NBPF10: variants seen among roughly 807,000 people sequenced by gnomAD.
NBPF10 encodes NBPF family member NBPF10.
NBPF10 carries 63 observed loss-of-function variants against 77.9 expected under a neutral mutation model. That is an observed-to-expected ratio of 0.81 (90% confidence interval 0.66 to 1.00). NBPF10 has a LOEUF of 1.00. Among genes scored for constraint, NBPF10 ranks in the 50% least tolerant of loss-of-function variants. NBPF10 has a pLI of 0.00. For missense variants in NBPF10, 522 were observed against 679.8 expected (o/e 0.77, Z 2.58); for synonymous variants, 146 against 264.5 (o/e 0.55, Z 4.35).
exon 3 of NBPF10, chr1:146,141,751 C>T: frequency 2.3e-6 from 3 of 1,333,276 alleles, no homozygotes; most frequent in Non-Finnish European, 3.1e-6. Context: ...GCATCTCTCC[C>T]TTCCCGTAAC....
At chr1:146,141,748 T>C (rs1553797426) in exon 3 of NBPF10, 1 of 1,332,950 alleles carries the variant, frequency 7.5e-7, no homozygotes, top group African/African-American at 1.4e-5. Flanking sequence ...GAGGCATCTC[T>C]CCCTTCCCGT....
chr1:146,133,123 G>A lies in NBPF10; in HGVS notation c.1585+400C>T, dbSNP rs868906641. On this transcript the variant is annotated intron_variant, in intron 10 of 89. Transcript: ENST00000583866. ...CCAGATGAAAGCTGAGAGCAGTGAA[G>A]CCTGGGGAACAATATTTCCAAATAC... 1.1e-3 allele frequency among the ~76,000 whole-genome samples: 46 copies of A among 42,558 alleles called. No individual in the cohort carries two copies. In the East Asian group the frequency reaches 0.014, roughly 13 times the overall value. The allele number at this position is 42,558 out of a possible 152,430, so 27.9% of individuals were successfully genotyped here.
At chr1:146,066,682 T>G (rs1341923269) in intron 89 of NBPF10, 121 bp from the exon 90 acceptor site, 1 of 553,510 alleles carries the variant, frequency 1.8e-6, no homozygotes, top group East Asian at 2.9e-5. Context: ...GAACCATTAA[T>G]GAGGTAAAAA....
exon 2 of NBPF10, chr1:146,142,729 T>C (rs1553797927): frequency 1.5e-6 from 2 of 1,360,506 alleles, no homozygotes; most frequent in Non-Finnish European, 2.0e-6. Context: ...ATAAATTTTA[T>C]GAGGTCTTTA....
rs587649683 is a variant in NBPF10, at chr1:146,125,658, T to G, written c.2027-142A>C. Reference sequence around the variant, plus strand: ...TGTGAGAGATATTCTTCAGGAGGCCTGAAGGCTGATCACCACAGAGATTCC... The same window carrying G: ...TGTGAGAGATATTCTTCAGGAGGCCGGAAGGCTGATCACCACAGAGATTCC... On this transcript the variant is annotated intron_variant, in intron 14 of 89. Transcript: ENST00000583866. 238 of 524,550 alleles carry G rather than the reference T, an allele frequency of 4.5e-4. 10 individuals are homozygous for G. In the South Asian group the frequency reaches 4.6e-3, roughly 10 times the overall value. 32.5% of individuals were successfully genotyped at this position (524,550 alleles called of 1,614,324 possible). A position where few individuals can be genotyped will look rare whatever the true frequency, so the allele number is the denominator to read the frequency against.
At chr1:146,067,223 C>T (rs781783313) in exon 89 of NBPF10, 1 of 565,668 alleles carries the variant, frequency 1.8e-6, no homozygotes, top group Non-Finnish European at 3.2e-6. Context: ...TCTTTTCTTC[C>T]CCTTCTTCTT....
rs868943048 is a variant in NBPF10, at chr1:146,136,536, T to C, written c.989-81A>G. ...CATTGCCTACAGGACAGGAGCCAGG[T>C]CCATCCCAAGGACAAAACTCTCCCC... On this transcript the variant is annotated intron_variant, in intron 6 of 89. Transcript: ENST00000583866. 6,620 of 969,190 alleles carry C rather than the reference T, an allele frequency of 6.8e-3. 85 individuals carry two copies. The African/African-American group carries it at 0.1, about 15-fold the overall frequency. The allele number at this position is 969,190 out of a possible 1,614,324, so 60.0% of individuals were successfully genotyped here.
At chr1:146,125,613 T>TC (rs1329240582) in intron 14 of NBPF10, 97 bp from the exon 15 acceptor site, 1 of 532,238 alleles carries the variant, frequency 1.9e-6, no homozygotes, top group African/African-American at 2.1e-5. Flanking sequence ...TTCAGGCTCC[T>TC]CAGCATGAGA....
chr1:146,142,371 C>T (rs1660394769), intron 2 of NBPF10, among the ~76,000 whole-genome samples: 1 of 133,638 alleles, frequency 7.5e-6, no homozygotes, highest in Non-Finnish European at 1.7e-5. Flanking sequence ...CTGAATGCTG[C>T]TGGGTGGTTC....
chr1:146,126,294 G>T lies in NBPF10; in HGVS notation c.1968C>A (p.Tyr656Ter), dbSNP rs782632300. The T allele has an allele frequency of 5.0e-6, 8 of 1,600,360 alleles. 1 individual carries two copies. Among genetic ancestry groups the T allele is most frequent in the African/African-American group, 1.3e-5 (1 of 74,286 alleles). Residue 656 changes from tyrosine to a stop codon, truncating the protein, a stop_gained, in exon 14 of 90, where the codon TAC becomes TAA. Transcript: ENST00000583866. LOFTEE classifies it high-confidence loss of function. ...GCTCCAATATGTAAAAGGCACTTCT[G>T]TAGGGCTGGCATGAGTCAGTCAGTT...
chr1:146,073,057 C>A (rs1180242837), intron 81 of NBPF10, among the ~76,000 whole-genome samples, 156 bp from the exon 82 acceptor site: 1 of 55,688 alleles, frequency 1.8e-5, no homozygotes, highest in Non-Finnish European at 3.2e-5. Flanking sequence ...TTGGGATAGA[C>A]CAGGGCCAGG....
At chr1:146,125,594 C>T in intron 14 of NBPF10, 78 bp from the exon 15 acceptor site, 1 of 572,876 alleles carries the variant, frequency 1.7e-6, no homozygotes, top group Non-Finnish European at 3.1e-6. Context: ...CTAATCCTCA[C>T]ACAGGGACTT....
intron 17 of NBPF10, among the ~76,000 whole-genome samples, chr1:146,123,479 C>T (rs1277708158): frequency 1.9e-5 from 1 of 53,472 alleles, no homozygotes. Flanking sequence ...CAGATAGACA[C>T]ACACACACAC....
intron 14 of NBPF10, among the ~76,000 whole-genome samples, chr1:146,125,862 A>T (rs1304073445): frequency 6.6e-6 from 1 of 151,012 alleles, no homozygotes; most frequent in Admixed American, 6.6e-5. Context: ...GTCTCATCAA[A>T]TACTCAGATT....
rs782087911 is a variant in NBPF10, at chr1:146,141,690, G to A, written c.407C>T (p.Pro136Leu). Reference sequence around the variant, plus strand: ...GAGGTCCTGCCCCTGGGACTTGTCCGGCTCATCCGGAGTGAGGAGGGCCTG... The same window carrying A: ...GAGGTCCTGCCCCTGGGACTTGTCCAGCTCATCCGGAGTGAGGAGGGCCTG... The change falls in exon 3 of 90, where the codon CCG (proline) becomes CTG (leucine). Residue 136 changes from proline to leucine, a missense_variant. Coordinates refer to ENST00000583866, the Ensembl canonical transcript of NBPF10. The A allele has an allele frequency of 4.0e-5, 50 of 1,247,812 alleles. 7 individuals carry two copies. The Middle Eastern group carries it at 1.3e-3, about 31-fold the overall frequency. 77.3% of individuals were successfully genotyped at this position (1,247,812 alleles called of 1,614,324 possible). A position where few individuals can be genotyped will look rare whatever the true frequency, so the allele number is the denominator to read the frequency against.
At chr1:146,139,378 G>A (rs1318595305) in intron 5 of NBPF10, among the ~76,000 whole-genome samples, 10 of 151,972 alleles carry the variant, frequency 6.6e-5, no homozygotes, top group East Asian at 3.9e-4. Flanking sequence ...CAAAGTGCTC[G>A]GATTACAGGT....
At chr1:146,134,047 C>T in intron 9 of NBPF10, 146 bp downstream of exon 9, 3 of 930,212 alleles carry the variant, frequency 3.2e-6, no homozygotes, top group South Asian at 1.3e-5. Flanking sequence ...GCTACCGCAC[C>T]CTGTGTCTAA....
At chr1:146,067,897 G>A (rs1183150557) in intron 88 of NBPF10, 106 bp downstream of exon 88, 3 of 701,164 alleles carry the variant, frequency 4.3e-6, no homozygotes, top group Non-Finnish European at 5.2e-6. Context: ...GGTCCTGCCT[G>A]CGGCAATGAC....
chr1:146,125,845 C>T (rs587628458), intron 14 of NBPF10, among the ~76,000 whole-genome samples: 3 of 150,560 alleles, frequency 2.0e-5, no homozygotes, highest in East Asian at 2.0e-4. Flanking sequence ...CTGCACTATT[C>T]AGCCCTGTCT....
Sources: gnomAD v4.1 joint callset for allele counts (sites outside exome capture counted in the v4.1 genomes callset) on GRCh38, gnomAD v4.1.1 for gene constraint, MANE v1.5 for transcripts, NCBI Gene and HGNC (gene_info 2026-07-23, HGNC 2026-07-21) for gene names.